Variants in TIMELESS observed in about 807,000 individuals in gnomAD.
TIMELESS encodes the protein protein timeless homolog.
Under a neutral mutation model 164.3 loss-of-function variants are expected in TIMELESS, and 124 were observed. That is an observed-to-expected ratio of 0.75 (90% CI 0.65 to 0.88). The LOEUF (loss-of-function observed/expected upper bound fraction) is 0.88. Ranked by LOEUF, TIMELESS falls within the 40% of genes least tolerant of loss-of-function variation. The probability of loss-of-function intolerance (pLI) is 0.00; values close to 1 mark genes in which losing one functional copy is unlikely to be tolerated. For synonymous variants in TIMELESS, 564 were observed against 563.4 expected (o/e 1.00, Z -0.02); for missense variants, 1,422 against 1,491.4 (o/e 0.95, Z 0.77).
rs535209876 is a variant in TIMELESS, at chr12:56,424,241, A to G, written c.1869-347T>C. 2.6e-5 allele frequency among the ~76,000 whole-genome samples: 4 copies of G among 152,350 alleles called. No individual in the cohort carries two copies. In the East Asian group the frequency reaches 5.8e-4, roughly 22 times the overall value. The stretch of plus-strand genomic sequence containing the variant: ...GAGAAGTGAAAAATTACTATAAATC[A>G]GCATGTACAGTATTTCATTTTTGTA... On this transcript the variant is annotated intron_variant, in intron 15 of 28. Coordinates refer to ENST00000553532, the MANE Select transcript of TIMELESS (RefSeq NM_003920.5).
In TIMELESS at chr12:56,423,856, T is replaced by A. The variant is rs1463633555; in HGVS notation, c.1907A>T (p.Asp636Val). ...CTGGATCTCTTCCTCTGGAGAAATG[T>A]CTTGAGAGCCAAACACATCTCCTTC... is the stretch of plus-strand genomic sequence containing the variant. ...WPEGDVFGSQ[D>V]ISPEEEIQLL... is the part of the protein sequence containing the mutation. The change falls in exon 16 of 29, where the codon GAC becomes GTC. Residue 636 changes from aspartate to valine, a missense_variant. By Grantham distance (152) the Asp-to-Val change is radical. Transcript: ENST00000553532. 1.2e-6 allele frequency: 2 copies of A among 1,614,190 alleles called. No homozygotes were observed. Among genetic ancestry groups the A allele is most frequent in the Admixed American group, 3.3e-5 (2 of 60,026 alleles).
chr12:56,424,962 T>C (rs779572133), intron 14 of TIMELESS, 49 bp from the exon 15 acceptor site: 23 of 1,613,810 alleles, frequency 1.4e-5, no homozygotes, highest in Non-Finnish European at 1.8e-5. Context: ...AAACCCAGAT[T>C]GTATACCCTG....
chr12:56,438,440 C>T (rs1362002723), intron 1 of TIMELESS, among the ~76,000 whole-genome samples: 2 of 151,918 alleles, frequency 1.3e-5, no homozygotes, highest in Admixed American at 6.6e-5. Flanking sequence ...ATCCTCCTGC[C>T]TCCTAATTAT....
rs757427151 is a variant in TIMELESS at position 56,423,778 on chromosome 12, G to A, written c.1966+19C>T. The A allele has an allele frequency of 1.2e-6, 2 of 1,614,168 alleles. No homozygotes were observed. Among genetic ancestry groups the A allele is most frequent in the Admixed American group, 1.7e-5 (1 of 60,018 alleles). ...AGAAAAGAGCTGGAAGGAGACAGAT[G>A]TGAAGGGTGGAGACTCACGGGGAAG... On this transcript the variant is annotated intron_variant, in intron 16 of 28. Transcript: ENST00000553532.
chr12:56,431,495 G>A lies in TIMELESS; in HGVS notation c.797C>T (p.Thr266Ile). Residue 266 changes from threonine (T) to isoleucine (I), a missense_variant, in exon 8 of 29, where the codon ACT (threonine) becomes ATT (isoleucine). Transcript: ENST00000553532. The part of the protein sequence containing the change: ...LRQREMAEKK[T>I]RALQRGNRHS... The stretch of plus-strand genomic sequence containing the variant: ...CCTGTTGCCTCGCTGGAGGGCTCGA[G>A]TCTTCTTTTCTGCCATCTCTCGCTG... 1.2e-6 allele frequency: 2 copies of A among 1,612,538 alleles called. No individual in the cohort carries two copies. Among genetic ancestry groups the A allele is most frequent in the South Asian group, 2.2e-5 (2 of 90,930 alleles).
chr12:56,426,490 G>A (rs1490405546), intron 13 of TIMELESS, among the ~76,000 whole-genome samples: 2 of 151,208 alleles, frequency 1.3e-5, no homozygotes, highest in Non-Finnish European at 2.9e-5. Context: ...GGGTTCAAGC[G>A]ATTCTCCTGC....
At chr12:56,422,067 G>A (rs779457491) in intron 20 of TIMELESS, 39 bp downstream of exon 20, 1 of 1,613,622 alleles carries the variant, frequency 6.2e-7, no homozygotes, top group African/African-American at 1.3e-5. Context: ...AGCTCAAGCT[G>A]CCCTCCTCAT....
At chr12:56,445,422 CAAAAAAAAAAAAAAAA>C (rs71081360) in intron 1 of TIMELESS, among the ~76,000 whole-genome samples, 39 of 18,752 alleles carry the variant, frequency 2.1e-3, no homozygotes, top group Non-Finnish European at 3.6e-3. Flanking sequence ...AACTCCACGT[CAAAAAAAAAAAAAAAA>C]AAAAAAAAAA....
At chr12:56,428,431 G>A (rs759389311) in intron 12 of TIMELESS, 26 bp from the exon 13 acceptor site, 33 of 1,604,978 alleles carry the variant, frequency 2.1e-5, no homozygotes, top group Non-Finnish European at 2.8e-5. Flanking sequence ...AGAAAGGGAT[G>A]GAAGGGCTAT....
At chr12:56,430,383 T>A in intron 9 of TIMELESS, 102 bp from the exon 10 acceptor site, 2 of 1,361,220 alleles carry the variant, frequency 1.5e-6, no homozygotes, top group Non-Finnish European at 2.0e-6. Context: ...GTTTTTCTTT[T>A]GAGACAAGAA....
At chr12:56,433,708 CA>C (rs1290170558) in intron 3 of TIMELESS, 56 bp from the exon 4 acceptor site, 1 of 1,613,456 alleles carries the variant, frequency 6.2e-7, no homozygotes, top group African/African-American at 1.3e-5. Flanking sequence ...GCTCAAACGC[CA>C]AACCTATCAG....
At chr12:56,432,575 C>G in intron 6 of TIMELESS, 51 bp from the exon 7 acceptor site, 1 of 1,591,228 alleles carries the variant, frequency 6.3e-7, no homozygotes, top group Non-Finnish European at 8.6e-7. Context: ...ATCCCACTGC[C>G]CTGCCTTGAA....
At chr12:56,447,591 T>C (rs1446506978) in intron 1 of TIMELESS, among the ~76,000 whole-genome samples, 1 of 152,176 alleles carries the variant, frequency 6.6e-6, no homozygotes, top group African/African-American at 2.4e-5. Flanking sequence ...TTACATGTGT[T>C]TTCCTTAGGA....
chr12:56,428,513 G>A (rs1253425494), intron 12 of TIMELESS, 36 bp downstream of exon 12: 1 of 1,610,028 alleles, frequency 6.2e-7, no homozygotes, highest in African/African-American at 1.3e-5. Context: ...CACGAGATGG[G>A]ACAGGCTGGG....
Position 56,417,420 on chromosome 12 carries a change from T to C in TIMELESS, c.*296A>G, listed in dbSNP as rs1881300014. 2.9e-6 allele frequency: 1 copy of C among 341,834 alleles called. No individual in the cohort carries two copies. Among genetic ancestry groups the C allele is most frequent in the Non-Finnish European group, 5.4e-6 (1 of 185,742 alleles). 21.2% of individuals were successfully genotyped at this position (341,834 alleles called of 1,614,324 possible). ...GGGGTGCTTTCTCTATTTCACTCACTCCTCTTATTTGCTAAGGAGCTCCAA... is the reference window on the plus strand; with the variant it reads ...GGGGTGCTTTCTCTATTTCACTCACCCCTCTTATTTGCTAAGGAGCTCCAA... On this transcript the variant is annotated 3_prime_UTR_variant, in exon 29 of 29. Transcript: ENST00000553532.
intron 1 of TIMELESS, among the ~76,000 whole-genome samples, chr12:56,441,099 T>C (rs1432567149): frequency 1.3e-5 from 2 of 152,204 alleles, no homozygotes; most frequent in African/African-American, 2.4e-5. Flanking sequence ...ATTACGGGCA[T>C]GAGCCACTGC....
chr12:56,441,359 C>T (rs1039285623), intron 1 of TIMELESS, among the ~76,000 whole-genome samples: 3 of 151,988 alleles, frequency 2.0e-5, no homozygotes. Context: ...TGGTGGCTCA[C>T]GCCTGTAATA....
chr12:56,424,597 AC>A (rs1056029751), intron 15 of TIMELESS, among the ~76,000 whole-genome samples, 164 bp downstream of exon 15: 3 of 152,198 alleles, frequency 2.0e-5, no homozygotes, highest in Non-Finnish European at 4.4e-5. Flanking sequence ...TTTTTCAGAA[AC>A]AAAAAAACCC....
intron 1 of TIMELESS, among the ~76,000 whole-genome samples, chr12:56,447,493 T>C (rs1868377334): frequency 1.3e-5 from 2 of 152,130 alleles, no homozygotes; most frequent in Non-Finnish European, 2.9e-5. Context: ...GGCATCAGGA[T>C]GTAAGATGGT....
Sources: gnomAD v4.1 joint callset for allele counts (sites outside exome capture counted in the v4.1 genomes callset) on GRCh38, gnomAD v4.1.1 for gene constraint, MANE v1.5 for transcripts, NCBI Gene and HGNC (gene_info 2026-07-23, HGNC 2026-07-21) for gene names.